RFX2: variants seen among roughly 807,000 people sequenced by gnomAD.
RFX2 encodes the protein regulatory factor X2.
A neutral mutation model predicts 87.8 loss-of-function variants in RFX2; 20 were observed. The observed-to-expected ratio is 0.23, with a 90% CI of 0.16 to 0.33. The LOEUF (loss-of-function observed/expected upper bound fraction) is 0.33. RFX2 is among the 10% of genes least tolerant of loss of function. RFX2 has a pLI of 1.00. For missense variants in RFX2, 767 were observed against 1,012.3 expected (o/e 0.76, Z 3.29); for synonymous variants, 397 against 431.3 (o/e 0.92, Z 0.98).
At position 5,997,389 on chromosome 19, in the gene RFX2, G is replaced by A; in HGVS notation, c.1860-176C>T. 1.4e-6 allele frequency: 1 copy of A among 705,120 alleles called. No individual in the cohort carries two copies. Among genetic ancestry groups the A allele is most frequent in the Non-Finnish European group, 2.2e-6 (1 of 445,948 alleles). The allele number at this position is 705,120 out of a possible 1,614,324, so 43.7% of individuals were successfully genotyped here. A position where few individuals can be genotyped will look rare whatever the true frequency, so the allele number is the denominator to read the frequency against. On this transcript the variant is annotated intron_variant, in intron 15 of 17. Transcript: ENST00000303657. The surrounding 1 kb of genome is among the most constrained non-coding windows in gnomAD (Gnocchi z 4.2). The stretch of plus-strand genomic sequence containing the variant: ...GGGCTGACGGGCTGCCGAGACCCTG[G>A]GCCCACGTGACGGACAGGTGGGGCC...
At chr19:6,036,853 C>T (rs960852676) in intron 5 of RFX2, among the ~76,000 whole-genome samples, 3 of 152,162 alleles carry the variant, frequency 2.0e-5, no homozygotes, top group Non-Finnish European at 2.9e-5. Flanking sequence ...ATTCTTGCCA[C>T]CCCTGTTCAA....
At chr19:6,087,155 C>T (rs548882921) in intron 1 of RFX2, among the ~76,000 whole-genome samples, 2 of 152,066 alleles carry the variant, frequency 1.3e-5, no homozygotes, top group Admixed American at 6.5e-5. Flanking sequence ...ATGGTCGCAG[C>T]GGGTCAGAAG....
intron 5 of RFX2, among the ~76,000 whole-genome samples, chr19:6,036,059 T>G (rs1317010990): frequency 6.6e-6 from 1 of 152,184 alleles, no homozygotes; most frequent in Non-Finnish European, 1.5e-5. Context: ...CTCAGTAAAT[T>G]TGTGACTTGC....
intron 16 of RFX2, among the ~76,000 whole-genome samples, chr19:5,996,582 G>A (rs1412362148): frequency 1.3e-5 from 2 of 152,262 alleles, no homozygotes; most frequent in Non-Finnish European, 2.9e-5. Flanking sequence ...TGGGGACGGG[G>A]TTTCCTTTTG....
chr19:6,000,358 T>C (rs1296442035), intron 15 of RFX2, among the ~76,000 whole-genome samples: 1 of 152,242 alleles, frequency 6.6e-6, no homozygotes, highest in African/African-American at 2.4e-5. Context: ...ACTGTTTTGT[T>C]TGCATTGACA....
intron 1 of RFX2, chr19:6,072,278 T>A (rs1319301069): frequency 6.6e-6 from 1 of 152,314 alleles, no homozygotes; most frequent in African/African-American, 2.4e-5. Flanking sequence ...GACCTTTCCA[T>A]GTTCCAATAT....
chr19:6,015,243 C>T (rs1294198486), intron 7 of RFX2, among the ~76,000 whole-genome samples: 2 of 152,018 alleles, frequency 1.3e-5, no homozygotes, highest in South Asian at 4.1e-4. Context: ...GCCTGGCCAC[C>T]ATGTCGAAAC....
At chr19:6,105,643 T>A (rs1023902549) in intron 1 of RFX2, among the ~76,000 whole-genome samples, 1 of 151,702 alleles carries the variant, frequency 6.6e-6, no homozygotes, top group Non-Finnish European at 1.5e-5. Flanking sequence ...CGAGCACCAG[T>A]GGTGGAATCA....
intron 1 of RFX2, among the ~76,000 whole-genome samples, chr19:6,098,919 C>T (rs2088068855): frequency 7.0e-6 from 1 of 142,126 alleles, no homozygotes. Context: ...TTGGGGTGAC[C>T]CCAAATGTAT....
At chr19:6,104,845 T>C (rs1037247046) in intron 1 of RFX2, among the ~76,000 whole-genome samples, 3 of 151,998 alleles carry the variant, frequency 2.0e-5, no homozygotes, top group African/African-American at 7.3e-5. Flanking sequence ...TAGAAGTTAA[T>C]AAAACAGCTC....
At chr19:6,028,626 T>C (rs560773935) in intron 5 of RFX2, among the ~76,000 whole-genome samples, 2 of 151,202 alleles carry the variant, frequency 1.3e-5, no homozygotes, top group South Asian at 4.2e-4. Context: ...AGTCAAAAAA[T>C]GGGCAAAAAT....
chr19:6,026,751 A>G lies in RFX2; in HGVS notation c.523-514T>C, dbSNP rs1369930610. The G allele has an allele frequency of 2.4e-5, 4 of 168,072 alleles. No individual in the cohort carries two copies. The East Asian group carries it at 5.5e-4, about 23-fold the overall frequency. The allele number at this position is 168,072 out of a possible 1,614,324, so 10.4% of individuals were successfully genotyped here. A position where few individuals can be genotyped will look rare whatever the true frequency, so the allele number is the denominator to read the frequency against. On this transcript the variant is annotated intron_variant, in intron 5 of 17. Coordinates refer to ENST00000303657, the MANE Select transcript of RFX2 (RefSeq NM_000635.4). The surrounding 1 kb of genome is among the most constrained non-coding windows in gnomAD (Gnocchi z 4.5). Reference sequence around the variant, plus strand: ...GCTTTGGGAAAATAGCAGCGAGGCCAAAGACTCAGACCCTGCCACCAGGAG... The same window carrying G: ...GCTTTGGGAAAATAGCAGCGAGGCCGAAGACTCAGACCCTGCCACCAGGAG...
chr19:5,997,060 C>T lies in RFX2; in HGVS notation c.2013G>A (p.Glu671=), dbSNP rs765560646. The change falls in exon 16 of 18, where the codon GAG becomes GAA. Residue 671 remains glutamate, a splice_region_variant and synonymous_variant. Coordinates refer to ENST00000303657, the MANE Select transcript of RFX2 (RefSeq NM_000635.4). This position sits in a 1 kb window ranked among gnomAD's most constrained non-coding sequence, Gnocchi z 4.2. ...TGETPIAVMG[E]FNDLASLSLT... is the part of the protein sequence containing the mutation. Reference sequence around the variant, plus strand: ...CCGTCCCACCCAGGAGGGTCCTCACCTCTCCCATCACAGCGATCGGCGTCT... The same window carrying T: ...CCGTCCCACCCAGGAGGGTCCTCACTTCTCCCATCACAGCGATCGGCGTCT... 12 of 1,609,462 alleles carry T rather than the reference C, an allele frequency of 7.5e-6. 1 individual carries two copies. In the South Asian group the frequency reaches 1.3e-4, roughly 18 times the overall value.
At chr19:6,015,906 G>A (rs1385257573) in intron 7 of RFX2, among the ~76,000 whole-genome samples, 184 bp downstream of exon 7, 3 of 152,198 alleles carry the variant, frequency 2.0e-5, no homozygotes, top group Non-Finnish European at 2.9e-5. Context: ...TTCTAAAGCC[G>A]ACACCGTGGG....
intron 1 of RFX2, among the ~76,000 whole-genome samples, chr19:6,070,074 T>G (rs960149079): frequency 0.027 from 34 of 1,282 alleles, no homozygotes; most frequent in Admixed American, 0.049. Flanking sequence ...GGATGGGATG[T>G]GGATGGGATG....
At chr19:6,019,512 A>ATGTGTGTG (rs147877773) in intron 6 of RFX2, among the ~76,000 whole-genome samples, 2,739 of 126,938 alleles carry the variant, frequency 0.022, 118 homozygotes, top group African/African-American at 0.077. Context: ...GTGTGTGAGT[A>ATGTGTGTG]TGTGTGTGTG....
rs1209680782 is a variant in RFX2 at position 6,021,176 on chromosome 19, C to T, written c.598-4905G>A. On this transcript the variant is annotated intron_variant, in intron 6 of 17. Coordinates refer to ENST00000303657, the MANE Select transcript of RFX2 (RefSeq NM_000635.4). The surrounding 1 kb of genome is among the most constrained non-coding windows in gnomAD (Gnocchi z 5.7). The stretch of plus-strand genomic sequence containing the variant: ...GTCTCACCGGGCCATACACTAGCAG[C>T]TCGGGCAGCTATTCCAACCGTCCAG... Among the ~76,000 whole-genome samples the T allele has an allele frequency of 6.6e-6, 1 of 152,222 alleles. No homozygotes were observed. The highest frequency in any genetic ancestry group is 6.5e-5 in the Admixed American group (1 of 15,278).
intron 1 of RFX2, among the ~76,000 whole-genome samples, chr19:6,105,363 G>A (rs889630088): frequency 2.6e-5 from 4 of 152,072 alleles, no homozygotes; most frequent in African/African-American, 9.7e-5. Flanking sequence ...CCAAATACCT[G>A]GGCAAAGAGC....
intron 1 of RFX2, among the ~76,000 whole-genome samples, chr19:6,059,183 T>C (rs1376981685): frequency 6.6e-6 from 1 of 152,126 alleles, no homozygotes; most frequent in Non-Finnish European, 1.5e-5. Context: ...TCTTGCTATG[T>C]TGCCCAGAAT....
Sources: gnomAD v4.1 joint callset for allele counts (sites outside exome capture counted in the v4.1 genomes callset) on GRCh38, gnomAD v4.1.1 for gene constraint, Gnocchi (gnomAD v3.1) non-coding constraint, MANE v1.5 for transcripts, NCBI Gene and HGNC (gene_info 2026-07-23, HGNC 2026-07-21) for gene names.